HCN1: variants seen among roughly 807,000 people sequenced by gnomAD.
HCN1 encodes the protein potassium/sodium hyperpolarization-activated cyclic nucleotide-gated channel 1.
HCN1 carries 13 observed loss-of-function variants against 78.9 expected under a neutral mutation model. That is an observed-to-expected ratio of 0.16 (90% CI 0.11 to 0.26). HCN1 has a LOEUF of 0.26. Among genes scored for constraint, HCN1 ranks in the 10% least tolerant of loss-of-function variants. The probability of loss-of-function intolerance (pLI) is 1.00; values close to 1 mark genes in which losing one functional copy is unlikely to be tolerated. For missense variants in HCN1, 810 were observed against 1,154.3 expected (o/e 0.70, Z 4.32); for synonymous variants, 552 against 455.5 (o/e 1.21, Z -2.70).
At chr5:45,344,523 C>T (rs554439484) in intron 5 of HCN1, among the ~76,000 whole-genome samples, 54 of 152,270 alleles carry the variant, frequency 3.5e-4, no homozygotes, top group African/African-American at 1.2e-3. Flanking sequence ...AAGCACATTA[C>T]TTACTTCCTA....
intron 2 of HCN1, chr5:45,642,091 C>G (rs1290133566): frequency 6.6e-6 from 1 of 152,138 alleles, no homozygotes; most frequent in Non-Finnish European, 1.5e-5. Context: ...AGCTTTCTAG[C>G]TATTACAAGA....
At chr5:45,562,377 T>A (rs2111882871) in intron 2 of HCN1, among the ~76,000 whole-genome samples, 1 of 152,154 alleles carries the variant, frequency 6.6e-6, no homozygotes, top group East Asian at 1.9e-4. Context: ...GATTTAAAAT[T>A]TAGGTAAATT....
chr5:45,262,852 T>C (rs1489003661), intron 7 of HCN1, 42 bp from the exon 8 acceptor site: 3 of 1,607,586 alleles, frequency 1.9e-6, no homozygotes, highest in Non-Finnish European at 2.5e-6. Flanking sequence ...AGCCTACCAA[T>C]GACTGATGAC....
intron 2 of HCN1, among the ~76,000 whole-genome samples, chr5:45,577,365 T>G (rs937580974): frequency 6.6e-6 from 1 of 152,200 alleles, no homozygotes; most frequent in East Asian, 1.9e-4. Context: ...TGGTAGGGTA[T>G]GATTTTAATA....
At chr5:45,404,770 C>T (rs1015904857) in intron 3 of HCN1, among the ~76,000 whole-genome samples, 1 of 149,934 alleles carries the variant, frequency 6.7e-6, no homozygotes, top group African/African-American at 2.4e-5. Context: ...CCTAGACCTC[C>T]TGACATAATA....
chr5:45,361,804 A>G (rs1044606848), intron 4 of HCN1, among the ~76,000 whole-genome samples: 3 of 152,162 alleles, frequency 2.0e-5, no homozygotes, highest in Non-Finnish European at 4.4e-5. Context: ...TTTATTTTAT[A>G]ATGGCCAAGT....
chr5:45,305,721 G>A (rs1745719641), intron 5 of HCN1, among the ~76,000 whole-genome samples: 1 of 150,822 alleles, frequency 6.6e-6, no homozygotes, highest in African/African-American at 2.4e-5. Context: ...GGAGCAGGTG[G>A]GAAGGAAAGA....
chr5:45,590,773 T>C (rs1744344422), intron 2 of HCN1, among the ~76,000 whole-genome samples: 1 of 152,174 alleles, frequency 6.6e-6, no homozygotes, highest in African/African-American at 2.4e-5. Context: ...CTAAGTAATA[T>C]GCATTTACTC....
intron 6 of HCN1, among the ~76,000 whole-genome samples, chr5:45,272,080 C>A (rs111962458): frequency 5.9e-5 from 9 of 151,800 alleles, no homozygotes; most frequent in Non-Finnish European, 1.3e-4. Flanking sequence ...CCCTTAGCAA[C>A]GAAAAAAGAG....
intron 2 of HCN1, among the ~76,000 whole-genome samples, chr5:45,596,161 G>A (rs1220119378): frequency 2.0e-5 from 3 of 152,030 alleles, no homozygotes; most frequent in Admixed American, 6.6e-5. Flanking sequence ...GCCTCCCAAA[G>A]TGCTGGGATT....
At chr5:45,608,887 A>G (rs1360749769) in intron 2 of HCN1, among the ~76,000 whole-genome samples, 2 of 152,074 alleles carry the variant, frequency 1.3e-5, no homozygotes, top group Non-Finnish European at 2.9e-5. Flanking sequence ...AAACTGTATA[A>G]ATGTGTCTTA....
At chr5:45,504,980 A>T (rs886912799) in intron 2 of HCN1, among the ~76,000 whole-genome samples, 11 of 151,878 alleles carry the variant, frequency 7.2e-5, no homozygotes, top group Non-Finnish European at 1.3e-4. Flanking sequence ...GTTTGAGTTC[A>T]TTGTAGATTC....
chr5:45,564,980 T>G (rs1009163398), intron 2 of HCN1, among the ~76,000 whole-genome samples: 1 of 152,180 alleles, frequency 6.6e-6, no homozygotes, highest in African/African-American at 2.4e-5. Flanking sequence ...CCCAAAATAA[T>G]TATCTTGTCA....
At chr5:45,598,455 T>C (rs1432525989) in intron 2 of HCN1, among the ~76,000 whole-genome samples, 3 of 152,002 alleles carry the variant, frequency 2.0e-5, no homozygotes, top group African/African-American at 7.3e-5. Flanking sequence ...CCTAAAACCA[T>C]AAAAAACCCT....
rs555850212 is a variant in HCN1 at position 45,304,418 on chromosome 5, C to T, written c.1378-579G>A. ...ATTCATCAGGTGCAGTGGCTCATGG[C>T]TGTAATTCCAGCACTTTGGGAGGCC... is the stretch of plus-strand genomic sequence containing the variant. On this transcript the variant is annotated intron_variant, in intron 5 of 7. Coordinates refer to ENST00000303230, the MANE Select transcript of HCN1 (RefSeq NM_021072.4). Among the ~76,000 whole-genome samples, 10 of 152,210 alleles carry T rather than the reference C, an allele frequency of 6.6e-5. No homozygotes were observed. The East Asian group carries it at 1.6e-3, about 24-fold the overall frequency.
intron 4 of HCN1, among the ~76,000 whole-genome samples, chr5:45,378,028 T>A (rs997573696): frequency 1.3e-4 from 20 of 151,912 alleles, no homozygotes; most frequent in Admixed American, 7.9e-4. Flanking sequence ...GCCTTTTGGG[T>A]GGTCCAAAGG....
At chr5:45,445,633 C>A (rs1051410040) in intron 3 of HCN1, among the ~76,000 whole-genome samples, 1 of 152,136 alleles carries the variant, frequency 6.6e-6, no homozygotes, top group African/African-American at 2.4e-5. Flanking sequence ...CTGGGAGGCA[C>A]CCCCCAGTAG....
chr5:45,674,723 C>T (rs1461046112), intron 1 of HCN1, among the ~76,000 whole-genome samples: 2 of 151,406 alleles, frequency 1.3e-5, no homozygotes, highest in African/African-American at 4.8e-5. Flanking sequence ...TTTTAGAGTA[C>T]AATAAACAAT....
At chr5:45,563,555 C>T (rs1394682532) in intron 2 of HCN1, among the ~76,000 whole-genome samples, 1 of 151,992 alleles carries the variant, frequency 6.6e-6, no homozygotes, top group African/African-American at 2.4e-5. Flanking sequence ...ATAAGATTTA[C>T]AAGTATAAGA....
Sources: gnomAD v4.1 joint callset for allele counts (sites outside exome capture counted in the v4.1 genomes callset) on GRCh38, gnomAD v4.1.1 for gene constraint, MANE v1.5 for transcripts, NCBI Gene and HGNC (gene_info 2026-07-23, HGNC 2026-07-21) for gene names.